Variants in MGAT3 observed in about 807,000 individuals in gnomAD.
The protein encoded by MGAT3 is beta-1,4-mannosyl-glycoprotein 4-beta-N-acetylglucosaminyltransferase, also known as GlcNAc-T III.
In MGAT3, 9 loss-of-function variants were observed where a neutral mutation model predicts 29.8. The ratio of observed to expected loss-of-function variants is 0.30; its 90% CI spans 0.18 to 0.53. The LOEUF (loss-of-function observed/expected upper bound fraction) is 0.53, where lower values mean the gene tolerates loss of function less well. MGAT3 is among the 20% of genes least tolerant of loss of function. The pLI is 0.96. For synonymous variants in MGAT3, 397 were observed against 348.9 expected (o/e 1.14, Z -1.54); for missense variants, 557 against 769.5 (o/e 0.72, Z 3.27).
intron 1 of MGAT3, among the ~76,000 whole-genome samples, chr22:39,462,190 C>T (rs1018274331): frequency 5.3e-5 from 8 of 151,978 alleles, no homozygotes; most frequent in Non-Finnish European, 1.2e-4. Context: ...TGAGCCACCA[C>T]ACCCAGCCTG....
chr22:39,488,422 C>G lies in MGAT3; in HGVS notation c.1075C>G (p.Leu359Val). ...YGFFWKQPGT[L>V]EVVSGCTVDM... is the part of the protein sequence containing the mutation. ...CTTCTTCTGGAAGCAGCCGGGCACC[C>G]TGGAGGTGGTGTCAGGCTGCACGGT... The change falls in exon 2 of 2, where the codon CTG becomes GTG. Residue 359 changes from leucine (L) to valine (V), a missense_variant. This residue lies in a region of MGAT3 where 243 missense variants were observed against 444.0 expected (regional missense o/e 0.55). Transcript: ENST00000341184. The G allele has an allele frequency of 6.2e-7, 1 of 1,612,852 alleles. No homozygotes were observed.
rs533699440 is a variant in MGAT3 at position 39,491,711 on chromosome 22, C to T, written c.*2762C>T. 1.8e-5 allele frequency: 3 copies of T among 167,366 alleles called. No homozygotes were observed. In the Admixed American group the frequency reaches 2.0e-4, roughly 11 times the overall value. The allele number at this position is 167,366 out of a possible 1,614,324, so 10.4% of individuals were successfully genotyped here. ...TGAAGAGTTTCACATATCATCACAG[C>T]ATACACTGGGAATTTGGTGGGGGCA... On this transcript the variant is annotated 3_prime_UTR_variant, in exon 2 of 2. Coordinates refer to ENST00000341184, the MANE Select transcript of MGAT3 (RefSeq NM_002409.5). The surrounding 1 kb of genome is among the most constrained non-coding windows in gnomAD (Gnocchi z 5.5).
chr22:39,486,143 A>ATT, intron 1 of MGAT3: 1 of 357,884 alleles, frequency 2.8e-6, no homozygotes, highest in Non-Finnish European at 5.0e-6. Flanking sequence ...ATAGACCTCA[A>ATT]ATTTTTTTTT....
chr22:39,481,383 A>G (rs1929122726), intron 1 of MGAT3, among the ~76,000 whole-genome samples: 1 of 152,132 alleles, frequency 6.6e-6, no homozygotes, highest in African/African-American at 2.4e-5. Context: ...TTGGGCGCGC[A>G]GTTTTCTGAG....
At chr22:39,465,229 G>A (rs967154151) in intron 1 of MGAT3, among the ~76,000 whole-genome samples, 1 of 152,186 alleles carries the variant, frequency 6.6e-6, no homozygotes, top group East Asian at 1.9e-4. Context: ...CACGGGCCTG[G>A]TGTCTCCTCC....
intron 1 of MGAT3, among the ~76,000 whole-genome samples, chr22:39,474,230 A>G (rs1928888840): frequency 6.6e-6 from 1 of 152,148 alleles, no homozygotes; most frequent in Non-Finnish European, 1.5e-5. Context: ...GGAGGTTGGC[A>G]GGATGGGCAG....
In MGAT3 at chr22:39,490,813, A is replaced by T. The variant is rs1458723281; in HGVS notation, c.*1864A>T. 6.0e-6 allele frequency: 1 copy of T among 166,274 alleles called. No individual in the cohort carries two copies. Among genetic ancestry groups the T allele is most frequent in the Admixed American group, 6.6e-5 (1 of 15,222 alleles). 10.3% of individuals were successfully genotyped at this position (166,274 alleles called of 1,614,324 possible). ...ATACATGCTTGTGTATGGATGGAAGAGGCCAGGCCCAGGCCTGGCCTCTTC... is the reference window on the plus strand; with the variant it reads ...ATACATGCTTGTGTATGGATGGAAGTGGCCAGGCCCAGGCCTGGCCTCTTC... On this transcript the variant is annotated 3_prime_UTR_variant, in exon 2 of 2. Transcript: ENST00000341184.
Position 39,488,272 on chromosome 22 carries a change from C to T in MGAT3, c.925C>T (p.Pro309Ser), listed in dbSNP as rs756632101. 6.2e-7 allele frequency: 1 copy of T among 1,611,400 alleles called. No homozygotes were observed. Among genetic ancestry groups the T allele is most frequent in the Non-Finnish European group, 8.5e-7 (1 of 1,179,924 alleles). Residue 309 changes from proline (P) to serine (S), a missense_variant, in exon 2 of 2, where the codon CCC becomes TCC. By Grantham distance (74) the Pro-to-Ser change is moderately conservative (BLOSUM62 -1). Transcript: ENST00000341184. ...CGTCTCGCGGCTGCGCAACCTGCGG[C>T]CCGACGACGTCTTCATCATTGACGA... is the stretch of plus-strand genomic sequence containing the variant. ...DGVSRLRNLR[P>S]DDVFIIDDAD...
chr22:39,467,402 T>C (rs1174872103), intron 1 of MGAT3, among the ~76,000 whole-genome samples: 2 of 152,144 alleles, frequency 1.3e-5, no homozygotes, highest in African/African-American at 4.8e-5. Flanking sequence ...CCTGGGGGCA[T>C]CCCAGGCCTA....
chr22:39,464,855 A>G (rs1280456058), intron 1 of MGAT3, among the ~76,000 whole-genome samples: 9 of 151,260 alleles, frequency 6.0e-5, no homozygotes, highest in Non-Finnish European at 1.0e-4. Context: ...GGTTCACGCC[A>G]TTCTCCTACC....
Position 39,488,776 on chromosome 22 carries a change from C to T in MGAT3, c.1429C>T (p.Pro477Ser). Reference sequence around the variant, plus strand: ...GCAGCAGGAGTACCCGCCTGCAGACCCCAGCGAGCACATGTATGCGCCCAA... The same window carrying T: ...GCAGCAGGAGTACCCGCCTGCAGACTCCAGCGAGCACATGTATGCGCCCAA... The part of the protein sequence containing the change: ...GTQQEYPPAD[P>S]SEHMYAPKYL... The change falls in exon 2 of 2, where the codon CCC becomes TCC. Residue 477 changes from proline (P) to serine (S), a missense_variant. Pro to Ser is a moderately conservative substitution (Grantham distance 74). Coordinates refer to ENST00000341184, the MANE Select transcript of MGAT3 (RefSeq NM_002409.5). The T allele has an allele frequency of 6.2e-7, 1 of 1,611,954 alleles. No individual in the cohort carries two copies. Among genetic ancestry groups the T allele is most frequent in the Non-Finnish European group, 8.5e-7 (1 of 1,179,130 alleles).
chr22:39,465,980 G>A (rs1225815831), intron 1 of MGAT3, among the ~76,000 whole-genome samples: 1 of 151,496 alleles, frequency 6.6e-6, no homozygotes, highest in East Asian at 1.9e-4. Context: ...AGCAAAATGC[G>A]CACTGCCCGA....
At chr22:39,485,281 G>A (rs931152929) in intron 1 of MGAT3, among the ~76,000 whole-genome samples, 3 of 152,240 alleles carry the variant, frequency 2.0e-5, no homozygotes, top group Non-Finnish European at 2.9e-5. Context: ...GGATGGCTAC[G>A]GTCGGAGGTG....
Position 39,489,799 on chromosome 22 carries a change from A to G in MGAT3, c.*850A>G, listed in dbSNP as rs1929402180. 1 of 167,238 alleles carries G rather than the reference A, an allele frequency of 6.0e-6. No homozygotes were observed. Among genetic ancestry groups the G allele is most frequent in the Non-Finnish European group, 1.5e-5 (1 of 68,252 alleles). The allele number at this position is 167,238 out of a possible 1,614,324, so 10.4% of individuals were successfully genotyped here. On this transcript the variant is annotated 3_prime_UTR_variant, in exon 2 of 2. Transcript: ENST00000341184. ...TGGCCTTGAGGGGGAAGTGGGGAGG[A>G]GAAGACTGACATGAGTCCTCTGCAC...
intron 1 of MGAT3, among the ~76,000 whole-genome samples, chr22:39,469,864 C>T (rs558009333): frequency 2.0e-5 from 3 of 152,290 alleles, no homozygotes; most frequent in African/African-American, 7.2e-5. Flanking sequence ...GGCAGGGCGG[C>T]GCTGAACTCA....
chr22:39,472,290 G>A (rs1928833562), intron 1 of MGAT3, among the ~76,000 whole-genome samples: 1 of 152,150 alleles, frequency 6.6e-6, no homozygotes, highest in African/African-American at 2.4e-5. Flanking sequence ...GTGGGTTCAG[G>A]CTCCCTGACC....
intron 1 of MGAT3, chr22:39,476,806 C>T (rs943351980): frequency 4.6e-5 from 7 of 152,196 alleles, no homozygotes; most frequent in Non-Finnish European, 1.0e-4. Context: ...TCTGCGTCCC[C>T]GATGACCACC....
In MGAT3 at chr22:39,488,798, C is replaced by T. The variant is rs1351835234; in HGVS notation, c.1451C>T (p.Pro484Leu). 6.2e-7 allele frequency: 1 copy of T among 1,611,272 alleles called. No individual in the cohort carries two copies. The change falls in exon 2 of 2, where the codon CCC (proline) becomes CTC (leucine). Residue 484 changes from proline to leucine, a missense_variant. By Grantham distance (98) the Pro-to-Leu change is moderately conservative. This residue lies in a region of MGAT3 where 102 missense variants were observed against 97.0 expected (regional missense o/e 1.05). Transcript: ENST00000341184. ...PADPSEHMYA[P>L]KYLLKNYDRF... is the part of the protein sequence containing the mutation. ...GACCCCAGCGAGCACATGTATGCGC[C>T]CAAGTACCTGCTGAAGAACTACGAC... is the stretch of plus-strand genomic sequence containing the variant.
chr22:39,484,989 T>TGA (rs1929230871), intron 1 of MGAT3, among the ~76,000 whole-genome samples: 2 of 151,508 alleles, frequency 1.3e-5, no homozygotes, highest in South Asian at 4.2e-4. Flanking sequence ...GGTGACAGAG[T>TGA]GAGACCCTGT....
Sources: gnomAD v4.1 joint callset for allele counts (sites outside exome capture counted in the v4.1 genomes callset) on GRCh38, gnomAD v4.1.1 for gene constraint, gnomAD v4.1.1 regional missense constraint, Gnocchi (gnomAD v3.1) non-coding constraint, MANE v1.5 for transcripts, NCBI Gene and HGNC (gene_info 2026-07-23, HGNC 2026-07-21) for gene names.